The following OSBPL6 variants were observed in gnomAD, a reference collection of about 807,000 sequenced individuals.
The protein encoded by OSBPL6 is oxysterol-binding protein-related protein 6.
A neutral mutation model predicts 125.8 loss-of-function variants in OSBPL6; 49 were observed. The observed-to-expected ratio is 0.39, with a 90% confidence interval of 0.31 to 0.49. The LOEUF is 0.49. Ranked by LOEUF, OSBPL6 falls within the 20% of genes least tolerant of loss-of-function variation. The pLI, the probability that OSBPL6 is intolerant of heterozygous loss-of-function variation, is 0.88. For synonymous variants in OSBPL6, 394 were observed against 391.8 expected (o/e 1.01, Z -0.07); for missense variants, 986 against 1,135.4 (o/e 0.87, Z 1.89).
chr2:178,237,083 A>G (rs1294891340), intron 1 of OSBPL6, among the ~76,000 whole-genome samples: 1 of 152,196 alleles, frequency 6.6e-6, no homozygotes, highest in Non-Finnish European at 1.5e-5. Context: ...CTGGGGATAA[A>G]TAACTTTTTG....
rs112455841 is a variant in OSBPL6 at position 178,215,211 on chromosome 2, G to A, written c.-351+20537G>A. On this transcript the variant is annotated intron_variant, in intron 1 of 24. Transcript: ENST00000190611. ...TTCTTATTAGTTATGAGCTATGGAA[G>A]TAATGTCTATATAAAATAAGTTTTT... Among the ~76,000 whole-genome samples the A allele has an allele frequency of 7.5e-3, 1,142 of 152,204 alleles. 15 individuals carry two copies. Among genetic ancestry groups the A allele is most frequent in the African/African-American group, 0.025 (1,054 of 41,530 alleles).
chr2:178,356,066 T>C (rs1691757143), intron 12 of OSBPL6, among the ~76,000 whole-genome samples: 1 of 152,202 alleles, frequency 6.6e-6, no homozygotes, highest in South Asian at 2.1e-4. Context: ...CTCAATAAAC[T>C]AGGTATTGAT....
At chr2:178,305,938 C>T (rs1574819709) in intron 2 of OSBPL6, 92 bp from the exon 3 acceptor site, 2 of 267,486 alleles carry the variant, frequency 7.5e-6, no homozygotes, top group South Asian at 2.4e-4. Flanking sequence ...AGTTCCTCCT[C>T]TCACTAACAC....
At chr2:178,310,681 T>C (rs1017431008) in intron 3 of OSBPL6, among the ~76,000 whole-genome samples, 1 of 151,826 alleles carries the variant, frequency 6.6e-6, no homozygotes, top group African/African-American at 2.4e-5. Flanking sequence ...CCTCCCAAAG[T>C]GCGGGGATTA....
At chr2:178,293,867 A>G (rs1239728445) in intron 2 of OSBPL6, among the ~76,000 whole-genome samples, 1 of 152,156 alleles carries the variant, frequency 6.6e-6, no homozygotes, top group Non-Finnish European at 1.5e-5. Flanking sequence ...AGCCTTTTCA[A>G]CAAATAGTGC....
chr2:178,341,868 A>G (rs138812867), intron 11 of OSBPL6, among the ~76,000 whole-genome samples: 4 of 152,184 alleles, frequency 2.6e-5, no homozygotes, highest in South Asian at 2.1e-4. Context: ...CTCATTCTCT[A>G]CTACTGGGAA....
intron 13 of OSBPL6, among the ~76,000 whole-genome samples, chr2:178,368,268 A>T (rs371526926): frequency 2.0e-5 from 3 of 152,160 alleles, no homozygotes; most frequent in Admixed American, 2.0e-4. Context: ...CGATCAAGGC[A>T]AAAGGGGGAG....
chr2:178,216,013 G>A (rs1008989861), intron 1 of OSBPL6, among the ~76,000 whole-genome samples: 3 of 152,182 alleles, frequency 2.0e-5, no homozygotes, highest in African/African-American at 7.2e-5. Flanking sequence ...CAAGGGAGAA[G>A]TTTGAGGAAG....
intron 12 of OSBPL6, among the ~76,000 whole-genome samples, chr2:178,356,364 TA>T (rs1295685118): frequency 6.6e-6 from 1 of 152,330 alleles, no homozygotes; most frequent in Non-Finnish European, 1.5e-5. Context: ...CAAATCTCCT[TA>T]AGCTGATAAG....
At chr2:178,262,210 A>AT (rs745482831) in intron 1 of OSBPL6, among the ~76,000 whole-genome samples, 8 of 152,168 alleles carry the variant, frequency 5.3e-5, no homozygotes, top group Non-Finnish European at 1.0e-4. Context: ...TAGAGATAGA[A>AT]TTTTTTGCTT....
At chr2:178,249,976 A>G (rs1012357049) in intron 1 of OSBPL6, among the ~76,000 whole-genome samples, 7 of 152,210 alleles carry the variant, frequency 4.6e-5, no homozygotes, top group Admixed American at 1.3e-4. Flanking sequence ...TAGACATTTC[A>G]AACTTTAAGT....
At chr2:178,393,009 G>A (rs1695552388) in intron 23 of OSBPL6, among the ~76,000 whole-genome samples, 1 of 152,140 alleles carries the variant, frequency 6.6e-6, no homozygotes. Context: ...AGGAAAAGCA[G>A]TATTCATAGA....
intron 15 of OSBPL6, among the ~76,000 whole-genome samples, chr2:178,379,424 A>G (rs1219813357): frequency 6.6e-6 from 1 of 151,568 alleles, no homozygotes; most frequent in South Asian, 2.1e-4. Context: ...AGAGAAAGAA[A>G]AGAAAGAGAA....
At chr2:178,235,641 C>T (rs1005364473) in intron 1 of OSBPL6, among the ~76,000 whole-genome samples, 3 of 152,058 alleles carry the variant, frequency 2.0e-5, no homozygotes, top group Non-Finnish European at 2.9e-5. Context: ...CTTCTGACCT[C>T]GTGATCTGCC....
At chr2:178,204,496 A>G (rs1477166184) in intron 1 of OSBPL6, among the ~76,000 whole-genome samples, 6 of 152,194 alleles carry the variant, frequency 3.9e-5, no homozygotes, top group Admixed American at 3.9e-4. Context: ...CACTCAAGGT[A>G]GTAACCTAGT....
intron 1 of OSBPL6, among the ~76,000 whole-genome samples, chr2:178,218,103 G>T (rs2090164498): frequency 6.6e-6 from 1 of 152,198 alleles, no homozygotes; most frequent in African/African-American, 2.4e-5. Flanking sequence ...AAGGTTTCAA[G>T]AACTTTCCCT....
chr2:178,230,497 C>T (rs894401455), intron 1 of OSBPL6: 3 of 152,032 alleles, frequency 2.0e-5, no homozygotes, highest in Non-Finnish European at 4.4e-5. Context: ...TATATAATAC[C>T]CGAGGAAGTC....
chr2:178,237,205 G>A (rs533393972), intron 1 of OSBPL6, among the ~76,000 whole-genome samples: 2 of 152,246 alleles, frequency 1.3e-5, no homozygotes, highest in South Asian at 4.2e-4. Flanking sequence ...TGTCCTTCTA[G>A]TTGTTTCTAC....
chr2:178,201,104 T>C (rs2089236755), intron 1 of OSBPL6, among the ~76,000 whole-genome samples: 1 of 152,152 alleles, frequency 6.6e-6, no homozygotes, highest in African/African-American at 2.4e-5. Flanking sequence ...CAAATAAGTA[T>C]TTTCTAAAAC....
Sources: allele counts gnomAD v4.1 joint callset (sites outside exome capture counted in the v4.1 genomes callset), GRCh38; gene constraint gnomAD v4.1.1; transcripts MANE v1.5; gene names NCBI Gene and HGNC (gene_info 2026-07-23, HGNC 2026-07-21).